Variants in SLC30A8 observed in about 807,000 individuals in gnomAD.
The protein encoded by SLC30A8 is solute carrier family 30 member 8, also known as proton-coupled zinc antiporter SLC30A8.
Under a neutral mutation model 36.9 loss-of-function variants are expected in SLC30A8, and 27 were observed. That is an observed-to-expected ratio of 0.73 (90% CI 0.54 to 1.01). The LOEUF is 1.01. SLC30A8 is among the 50% of genes least tolerant of loss of function. The pLI is 0.00. For synonymous variants in SLC30A8, 164 were observed against 172.4 expected (o/e 0.95, Z 0.38); for missense variants, 439 against 452.0 (o/e 0.97, Z 0.26).
chr8:117,161,756 C>T lies in SLC30A8; in HGVS notation c.591C>T (p.His197=). Residue 197 remains histidine, a synonymous_variant, in exon 5 of 8, where the codon CAC becomes CAT. Coordinates refer to ENST00000456015, the MANE Select transcript of SLC30A8 (RefSeq NM_173851.3). ...CTTTCAGACTAACTGTGGTTTTGCA[C>T]CAGAGATGCCTTGGCCACAATCACA... ...AANIVLTVVL[H]QRCLGHNHKE... is the part of the protein sequence containing the mutation. 1.2e-6 allele frequency: 2 copies of T among 1,613,344 alleles called. No homozygotes were observed. Among genetic ancestry groups the T allele is most frequent in the Non-Finnish European group, 1.7e-6 (2 of 1,179,554 alleles).
chr8:117,160,771 T>C (rs758833011), intron 4 of SLC30A8, among the ~76,000 whole-genome samples: 2 of 152,196 alleles, frequency 1.3e-5, no homozygotes, highest in Non-Finnish European at 2.9e-5. Context: ...ACCTGAAAAC[T>C]GCACATTCAG....
In SLC30A8 at chr8:117,174,634, G is replaced by A. The variant is rs2129805870; in HGVS notation, c.*1953G>A. On this transcript the variant is annotated 3_prime_UTR_variant, in exon 8 of 8. Transcript: ENST00000456015. ...TTTGCATAGGACGCCCTAAAGACTA[G>A]GTGACTTGGCAAACACACAAGTGTT... The A allele has an allele frequency of 6.6e-6, 1 of 152,626 alleles. No homozygotes were observed. The highest frequency in any genetic ancestry group is 2.4e-5 in the African/African-American group (1 of 41,552). 9.5% of individuals were successfully genotyped at this position (152,626 alleles called of 1,614,324 possible).
intron 1 of SLC30A8, among the ~76,000 whole-genome samples, chr8:117,036,999 A>G (rs1012407005): frequency 6.6e-6 from 1 of 150,418 alleles, no homozygotes; most frequent in African/African-American, 2.5e-5. Flanking sequence ...AGATGTGAGT[A>G]ATAGAGCTTT....
chr8:117,053,178 T>C (rs186111665), intron 2 of SLC30A8, among the ~76,000 whole-genome samples: 5 of 152,224 alleles, frequency 3.3e-5, no homozygotes, highest in African/African-American at 1.2e-4. Flanking sequence ...ATCTGCCCGC[T>C]TCGGCCTCCC....
intron 5 of SLC30A8, among the ~76,000 whole-genome samples, chr8:117,162,963 A>C (rs1245209308): frequency 6.6e-6 from 1 of 152,266 alleles, no homozygotes; most frequent in Non-Finnish European, 1.5e-5. Flanking sequence ...AACTCACTCC[A>C]GTCAGCCAAG....
At chr8:117,086,298 A>G (rs1476286745) in intron 2 of SLC30A8, among the ~76,000 whole-genome samples, 1 of 152,154 alleles carries the variant, frequency 6.6e-6, no homozygotes, top group African/African-American at 2.4e-5. Flanking sequence ...GAAGTACACT[A>G]GTTCTTAGGC....
At chr8:117,008,054 C>CT (rs1346589851) in intron 1 of SLC30A8, among the ~76,000 whole-genome samples, 4 of 152,148 alleles carry the variant, frequency 2.6e-5, no homozygotes, top group Non-Finnish European at 2.9e-5. Flanking sequence ...CGATAAGAGG[C>CT]TGGTAGTGGC....
chr8:117,039,185 C>T (rs1349711219), intron 1 of SLC30A8: 2 of 152,194 alleles, frequency 1.3e-5, no homozygotes, highest in African/African-American at 2.4e-5. Flanking sequence ...TTTCCACCTT[C>T]AGTTTAGTTG....
intron 2 of SLC30A8, among the ~76,000 whole-genome samples, chr8:117,064,323 C>T (rs1351562358): frequency 6.6e-6 from 1 of 152,094 alleles, no homozygotes; most frequent in Admixed American, 6.6e-5. Context: ...AGTGTTTATT[C>T]AAGAAGACTC....
At chr8:117,007,401 T>C (rs1238836404) in intron 1 of SLC30A8, among the ~76,000 whole-genome samples, 1 of 152,218 alleles carries the variant, frequency 6.6e-6, no homozygotes, top group Non-Finnish European at 1.5e-5. Flanking sequence ...AAGTAGATTA[T>C]TTTGGGAAAA....
intron 1 of SLC30A8, among the ~76,000 whole-genome samples, chr8:116,961,613 G>T (rs6997279): frequency 0.2 from 30,616 of 151,758 alleles, 4,093 homozygotes; most frequent in East Asian, 0.32. Context: ...CCACAGAATG[G>T]GTAATTTATA....
At chr8:117,068,135 T>C (rs776581814) in intron 2 of SLC30A8, among the ~76,000 whole-genome samples, 2 of 152,210 alleles carry the variant, frequency 1.3e-5, no homozygotes, top group Non-Finnish European at 2.9e-5. Flanking sequence ...ATTAGAGTGA[T>C]TGAAGTCTGA....
chr8:117,075,822 A>G (rs975607827), intron 2 of SLC30A8, among the ~76,000 whole-genome samples: 1 of 152,188 alleles, frequency 6.6e-6, no homozygotes, highest in East Asian at 1.9e-4. Flanking sequence ...GATAGGGTGT[A>G]GAAGTTCCTC....
chr8:117,171,215 T>C (rs1188072223), intron 7 of SLC30A8, 47 bp downstream of exon 7: 9 of 1,596,178 alleles, frequency 5.6e-6, no homozygotes, highest in Non-Finnish European at 7.7e-6. Context: ...GTCCTTGTCC[T>C]GTAAAGTCAG....
chr8:117,077,528 A>G lies in SLC30A8; in HGVS notation c.-226+38270A>G, dbSNP rs191394060. ...ACCTATAAGAATAAGAGAAAAACCAATATGAAGAATATGACTACTTTATTT... is the reference window on the plus strand; with the variant it reads ...ACCTATAAGAATAAGAGAAAAACCAGTATGAAGAATATGACTACTTTATTT... On this transcript the variant is annotated intron_variant, in intron 2 of 10. Coordinates refer to the SLC30A8 transcript ENST00000427715. 1.6e-4 allele frequency among the ~76,000 whole-genome samples: 24 copies of G among 152,338 alleles called. No individual in the cohort carries two copies. The East Asian group carries it at 4.4e-3, about 28-fold the overall frequency.
chr8:117,000,408 T>C (rs954053204), intron 1 of SLC30A8, among the ~76,000 whole-genome samples: 22 of 152,130 alleles, frequency 1.4e-4, no homozygotes, highest in African/African-American at 5.1e-4. Flanking sequence ...ACCAGGTTTG[T>C]CGTAAGGATC....
chr8:117,029,170 A>G (rs1444767293), intron 1 of SLC30A8, among the ~76,000 whole-genome samples: 1 of 152,188 alleles, frequency 6.6e-6, no homozygotes, highest in Non-Finnish European at 1.5e-5. Context: ...TGCCAGGATT[A>G]CTCAATAATT....
chr8:117,159,058 A>G (rs188157261), intron 4 of SLC30A8, among the ~76,000 whole-genome samples: 1 of 152,282 alleles, frequency 6.6e-6, no homozygotes, highest in Admixed American at 6.5e-5. Flanking sequence ...AAATGGAGAA[A>G]TCGGCCTGGA....
intron 1 of SLC30A8, among the ~76,000 whole-genome samples, chr8:116,973,131 C>T (rs1351705103): frequency 6.6e-6 from 1 of 152,154 alleles, no homozygotes; most frequent in African/African-American, 2.4e-5. Context: ...CTTCTATGAG[C>T]CAGGAAATAA....
Sources: gnomAD v4.1 joint callset for allele counts (sites outside exome capture counted in the v4.1 genomes callset) on GRCh38, gnomAD v4.1.1 for gene constraint, MANE v1.5 for transcripts, NCBI Gene and HGNC (gene_info 2026-07-23, HGNC 2026-07-21) for gene names.